GREB1: variants seen among roughly 807,000 people sequenced by gnomAD.
The protein encoded by GREB1 is protein GREB1.
A neutral mutation model predicts 200.7 loss-of-function variants in GREB1; 106 were observed. That is an observed-to-expected ratio of 0.53 (90% CI 0.45 to 0.62). The LOEUF (loss-of-function observed/expected upper bound fraction) is 0.62. Among genes scored for constraint, GREB1 ranks in the 20% least tolerant of loss-of-function variants. The probability of loss-of-function intolerance (pLI) is 0.00; values close to 1 mark genes in which losing one functional copy is unlikely to be tolerated. For synonymous variants in GREB1, 1,132 were observed against 1,092.4 expected (o/e 1.04, Z -0.72); for missense variants, 2,243 against 2,556.8 (o/e 0.88, Z 2.65).
rs1675528778 is a variant in GREB1, at chr2:11,548,713, CT to C, written c.-161-7740del. On this transcript the variant is annotated intron_variant, in intron 1 of 32. Coordinates refer to ENST00000381486, the MANE Select transcript of GREB1 (RefSeq NM_014668.4). This position sits in a 1 kb window ranked among gnomAD's most constrained non-coding sequence, Gnocchi z 5.1. ...CTCATCATCACCTTGTGAGTCCCCT[CT>C]CCTTCTACCCTCTGTTGGATCCCCC... 6.6e-6 allele frequency among the ~76,000 whole-genome samples: 1 copy of C among 152,110 alleles called. No individual in the cohort carries two copies. Among genetic ancestry groups the C allele is most frequent in the African/African-American group, 2.4e-5 (1 of 41,406 alleles).
intron 1 of GREB1, among the ~76,000 whole-genome samples, chr2:11,512,547 G>A (rs939847667): frequency 6.6e-6 from 1 of 152,234 alleles, no homozygotes; most frequent in African/African-American, 2.4e-5. Context: ...AAAATGACTT[G>A]TGTGTGTTTA....
rs536664625 is a variant in GREB1, at chr2:11,586,861, C to T, written c.1159+956C>T. Among the ~76,000 whole-genome samples the T allele has an allele frequency of 1.1e-3, 165 of 152,262 alleles. 1 individual carries two copies. The highest frequency in any genetic ancestry group is 3.4e-3 in the Middle Eastern group (1 of 294). On this transcript the variant is annotated intron_variant, in intron 9 of 32. Transcript: ENST00000381486. The stretch of plus-strand genomic sequence containing the variant: ...AATGACCGAGGCAGTTCCACTGGGC[C>T]CCACTGTCTACCTCAAATGAAGACC...
chr2:11,599,233 G>T (rs1681538055), intron 15 of GREB1, among the ~76,000 whole-genome samples: 1 of 152,116 alleles, frequency 6.6e-6, no homozygotes, highest in Non-Finnish European at 1.5e-5. Flanking sequence ...CTGGTGTGGG[G>T]TGCGGAGGGT....
intron 9 of GREB1, chr2:11,588,474 G>A: frequency 2.1e-6 from 1 of 470,986 alleles, no homozygotes; most frequent in South Asian, 2.1e-5. Context: ...CCTCCCTCCA[G>A]CCCCCTCACT....
At chr2:11,575,321 C>T (rs982800709) in intron 4 of GREB1, among the ~76,000 whole-genome samples, 1 of 152,252 alleles carries the variant, frequency 6.6e-6, no homozygotes, top group Non-Finnish European at 1.5e-5. Context: ...GAGCAGTCAG[C>T]CTGGGCAGAA....
chr2:11,615,981 G>A (rs952017621), intron 20 of GREB1, among the ~76,000 whole-genome samples: 1 of 152,242 alleles, frequency 6.6e-6, no homozygotes, highest in Non-Finnish European at 1.5e-5. Context: ...TTGCTCGTCT[G>A]TAAAATGTAG....
chr2:11,519,130 G>A (rs949397125), intron 1 of GREB1, among the ~76,000 whole-genome samples: 3 of 150,020 alleles, frequency 2.0e-5, no homozygotes, highest in African/African-American at 7.3e-5. Flanking sequence ...AAATCCCCTC[G>A]AAAGTCTTAT....
chr2:11,495,655 A>C (rs1011486552), intron 1 of GREB1, among the ~76,000 whole-genome samples: 1 of 152,104 alleles, frequency 6.6e-6, no homozygotes, highest in Non-Finnish European at 1.5e-5. Context: ...AGGCACACAG[A>C]TGTTAAGTAG....
At chr2:11,618,957 G>T (rs753100463) in intron 22 of GREB1, 38 bp downstream of exon 22, 30 of 1,439,568 alleles carry the variant, frequency 2.1e-5, no homozygotes, top group Middle Eastern at 3.7e-4. Context: ...GCCCCGGACT[G>T]GGGGGGTCCT....
At chr2:11,599,346 T>C (rs1232929805) in intron 15 of GREB1, among the ~76,000 whole-genome samples, 3 of 150,856 alleles carry the variant, frequency 2.0e-5, no homozygotes, top group East Asian at 1.9e-4. Flanking sequence ...TTTTTTTTTT[T>C]TTCCTTTTTT....
At chr2:11,550,876 C>T (rs1035667487) in intron 1 of GREB1, among the ~76,000 whole-genome samples, 5 of 152,188 alleles carry the variant, frequency 3.3e-5, no homozygotes, top group African/African-American at 1.2e-4. Flanking sequence ...CCATCTGTCC[C>T]ATTTCACCAG....
intron 1 of GREB1, among the ~76,000 whole-genome samples, chr2:11,519,342 G>C (rs769407883): frequency 5.3e-5 from 8 of 151,834 alleles, no homozygotes; most frequent in Non-Finnish European, 8.8e-5. Context: ...CCATCTGTGA[G>C]GGTCTTTATT....
At position 11,578,343 on chromosome 2, in the gene GREB1, C is replaced by A; in HGVS notation, c.684C>A (p.Leu228=). 3 of 1,614,166 alleles carry A rather than the reference C, an allele frequency of 1.9e-6. No individual in the cohort carries two copies. Among genetic ancestry groups the A allele is most frequent in the Non-Finnish European group, 2.5e-6 (3 of 1,180,010 alleles). The part of the protein sequence containing the change: ...QIPASTCSSS[L]FPALESTAAF... Reference sequence around the variant, plus strand: ...CCGCCAGTACTTGTTCCAGTTCCCTCTTCCCAGCCCTGGAGAGCACGGCTG... The same window carrying A: ...CCGCCAGTACTTGTTCCAGTTCCCTATTCCCAGCCCTGGAGAGCACGGCTG... The change falls in exon 6 of 33, where the codon CTC becomes CTA. Residue 228 remains leucine (L), a synonymous_variant. Coordinates refer to ENST00000381486, the MANE Select transcript of GREB1 (RefSeq NM_014668.4).
chr2:11,589,412 G>A (rs1680504828), intron 10 of GREB1, among the ~76,000 whole-genome samples: 1 of 152,194 alleles, frequency 6.6e-6, no homozygotes, highest in South Asian at 2.1e-4. Context: ...GGGCCCTGGG[G>A]AGAGAGGGAG....
chr2:11,634,051 G>A lies in GREB1; in HGVS notation c.4992-80G>A, dbSNP rs76729201. ...AGGTGTTCACGGCAGTCTGAGAGCC[G>A]GTGCCACACTGCCTGGTCCCAAGGA... On this transcript the variant is annotated intron_variant, in intron 28 of 32. Coordinates refer to ENST00000381486, the MANE Select transcript of GREB1 (RefSeq NM_014668.4). 1,074 of 1,319,468 alleles carry A rather than the reference G, an allele frequency of 8.1e-4. 11 individuals are homozygous for A. The African/African-American group carries it at 0.013, about 16-fold the overall frequency. The allele number at this position is 1,319,468 out of a possible 1,614,324, so 81.7% of individuals were successfully genotyped here. A position where few individuals can be genotyped will look rare whatever the true frequency, so the allele number is the denominator to read the frequency against.
At chr2:11,506,639 T>A (rs1385936194) in intron 1 of GREB1, among the ~76,000 whole-genome samples, 2 of 152,210 alleles carry the variant, frequency 1.3e-5, no homozygotes, top group African/African-American at 4.8e-5. Flanking sequence ...TACAGTCCCG[T>A]CTTCCCTTCC....
intron 2 of GREB1, among the ~76,000 whole-genome samples, chr2:11,559,642 T>C (rs1475770268): frequency 6.6e-6 from 1 of 152,204 alleles, no homozygotes; most frequent in Non-Finnish European, 1.5e-5. Context: ...TCTGAGCCTC[T>C]GTGGTGCTGG....
At chr2:11,488,791 CAAAA>C (rs11288876) in intron 1 of GREB1, among the ~76,000 whole-genome samples, 9 of 82,760 alleles carry the variant, frequency 1.1e-4, no homozygotes, top group Admixed American at 1.3e-4. Context: ...AACTCCGTCT[CAAAA>C]AAAAAAAAAA....
intron 30 of GREB1, among the ~76,000 whole-genome samples, chr2:11,637,187 C>T (rs943259496): frequency 6.6e-6 from 1 of 151,968 alleles, no homozygotes. Flanking sequence ...CGGAGAGGAG[C>T]TGAGGAAGTA....
Sources: gnomAD v4.1 joint callset for allele counts (sites outside exome capture counted in the v4.1 genomes callset) on GRCh38, gnomAD v4.1.1 for gene constraint, Gnocchi (gnomAD v3.1) non-coding constraint, MANE v1.5 for transcripts, NCBI Gene and HGNC (gene_info 2026-07-23, HGNC 2026-07-21) for gene names.